Variants in ZNF462 observed in about 807,000 individuals in gnomAD.
ZNF462 encodes the protein zinc finger PBX1-interacting protein.
A neutral mutation model predicts 201.9 loss-of-function variants in ZNF462; 10 were observed. The observed-to-expected ratio is 0.05, with a 90% CI of 0.03 to 0.08. The LOEUF (loss-of-function observed/expected upper bound fraction) is 0.08, where lower values mean the gene tolerates loss of function less well. Ranked by LOEUF, ZNF462 falls within the 10% of genes least tolerant of loss-of-function variation. The pLI is 1.00. For synonymous variants in ZNF462, 1,227 were observed against 1,193.3 expected (o/e 1.03, Z -0.58); for missense variants, 2,523 against 3,168.3 (o/e 0.80, Z 4.89).
rs1828047889 is a variant in ZNF462 at position 106,880,582 on chromosome 9, G to A, written c.-31+17227G>A. Among the ~76,000 whole-genome samples, 1 of 152,188 alleles carries A rather than the reference G, an allele frequency of 6.6e-6. No individual in the cohort carries two copies. The highest frequency in any genetic ancestry group is 2.4e-5 in the African/African-American group (1 of 41,438). ...AGTAGCTCTAAATTTCAGTGATCCT[G>A]CCTTTCTGGTGTCAGTTTTGTGGAG... On this transcript the variant is annotated intron_variant, in intron 1 of 12. Transcript: ENST00000277225. The surrounding 1 kb of genome is among the most constrained non-coding windows in gnomAD (Gnocchi z 4.1).
At position 106,933,018 on chromosome 9, in the gene ZNF462, A is replaced by C. The variant is rs2131556408; in HGVS notation, c.6116+469A>C. Among the ~76,000 whole-genome samples, 1 of 152,354 alleles carries C rather than the reference A, an allele frequency of 6.6e-6. No homozygotes were observed. Among genetic ancestry groups the C allele is most frequent in the East Asian group, 1.9e-4 (1 of 5,188 alleles). Reference sequence around the variant, plus strand: ...AGGTAAAGAAGTTCATGGATGCCAAAGAGTTGCTTGACATACAGGGAGATT... The same window carrying C: ...AGGTAAAGAAGTTCATGGATGCCAACGAGTTGCTTGACATACAGGGAGATT... On this transcript the variant is annotated intron_variant, in intron 5 of 12. Transcript: ENST00000277225. This position sits in a 1 kb window ranked among gnomAD's most constrained non-coding sequence, Gnocchi z 4.3.
chr9:106,926,288 C>A lies in ZNF462; in HGVS notation c.2376C>A (p.Thr792=), dbSNP rs138885770. 4 of 1,614,020 alleles carry A rather than the reference C, an allele frequency of 2.5e-6. No homozygotes were observed. The highest frequency in any genetic ancestry group is 3.3e-5 in the Admixed American group (2 of 59,994). Residue 792 remains threonine, a synonymous_variant, in exon 3 of 13, where the codon ACC becomes ACA. Transcript: ENST00000277225. This position sits in a 1 kb window ranked among gnomAD's most constrained non-coding sequence, Gnocchi z 7.9. ...NATNGAEIEL[T]LSEDEEDYYG... ...CCAATGGGGCTGAGATTGAGCTCAC[C>A]CTTTCTGAAGATGAAGAGGATTATT...
chr9:106,919,446 G>A lies in ZNF462; in HGVS notation c.-30-3908G>A, dbSNP rs117717612. Among the ~76,000 whole-genome samples the A allele has an allele frequency of 0.021, 3,126 of 152,218 alleles. 37 individuals carry two copies. Among genetic ancestry groups the A allele is most frequent in the Non-Finnish European group, 0.032 (2,167 of 67,992 alleles). ...TGGGCAGGTGGTATAAATTAAAATT[G>A]GTGTTCTTAAGATTGAAAATGAGCA... On this transcript the variant is annotated intron_variant, in intron 1 of 12. Transcript: ENST00000277225. This position sits in a 1 kb window ranked among gnomAD's most constrained non-coding sequence, Gnocchi z 4.5.
At chr9:106,867,538 C>A (rs1371800856) in intron 1 of ZNF462, among the ~76,000 whole-genome samples, 1 of 151,298 alleles carries the variant, frequency 6.6e-6, no homozygotes. Flanking sequence ...ATTGTTTTTT[C>A]CCCCTTACTC....
In ZNF462 at chr9:106,950,466, A is replaced by G. The variant is rs545788949; in HGVS notation, c.6427+11359A>G. Among the ~76,000 whole-genome samples the G allele has an allele frequency of 3.9e-5, 6 of 152,290 alleles. No individual in the cohort carries two copies. The highest frequency in any genetic ancestry group is 1.4e-4 in the African/African-American group (6 of 41,562). On this transcript the variant is annotated intron_variant, in intron 7 of 12. Coordinates refer to ENST00000277225, the MANE Select transcript of ZNF462 (RefSeq NM_021224.6). This position sits in a 1 kb window ranked among gnomAD's most constrained non-coding sequence, Gnocchi z 4.1. ...GATTTTATTGTTACTCTGATTTTAT[A>G]GTATTTTAAAATTTTGCCCATGGGT...
intron 9 of ZNF462, chr9:106,975,284 G>A (rs1401104447): frequency 6.6e-6 from 1 of 151,838 alleles, no homozygotes; most frequent in African/African-American, 2.4e-5. Context: ...TCCAATATTT[G>A]TCACATATGC....
rs1829716526 is a variant in ZNF462 at position 107,008,483 on chromosome 9, G to A, written c.7190-1062G>A. On this transcript the variant is annotated intron_variant, in intron 11 of 12. Transcript: ENST00000277225. The surrounding 1 kb of genome is among the most constrained non-coding windows in gnomAD (Gnocchi z 4.8). ...GGCATCTTCCTGTAATGTCTTGTAT[G>A]TGTGGACCAGAGTGATCAGAGTGTA... is the stretch of plus-strand genomic sequence containing the variant. Among the ~76,000 whole-genome samples, 1 of 152,120 alleles carries A rather than the reference G, an allele frequency of 6.6e-6. No homozygotes were observed. Among genetic ancestry groups the A allele is most frequent in the Admixed American group, 6.5e-5 (1 of 15,276 alleles).
At chr9:106,864,125 T>G in intron 1 of ZNF462, among the ~76,000 whole-genome samples, 1 of 122,604 alleles carries the variant, frequency 8.2e-6, no homozygotes, top group Non-Finnish European at 1.6e-5. Context: ...TCCCCGAAGT[T>G]GGGATGCGGG....
chr9:106,925,860 T>C lies in ZNF462; in HGVS notation c.1948T>C (p.Ser650Pro). 6.2e-7 allele frequency: 1 copy of C among 1,614,178 alleles called. No homozygotes were observed. Among genetic ancestry groups the C allele is most frequent in the African/African-American group, 1.3e-5 (1 of 75,052 alleles). ...GGAAAATGAGACAGACAGCCACCCC[T>C]CTTCCAGCAACACTGTGAAGAAAAG... ...PLENETDSHP[S>P]SSNTVKKSQT... is the part of the protein sequence containing the mutation. Residue 650 changes from serine (S) to proline (P), a missense_variant, in exon 3 of 13, where the codon TCT (serine) becomes CCT (proline). By Grantham distance (74) the Ser-to-Pro change is moderately conservative (BLOSUM62 -1). Transcript: ENST00000277225. This position sits in a 1 kb window ranked among gnomAD's most constrained non-coding sequence, Gnocchi z 7.9.
intron 7 of ZNF462, among the ~76,000 whole-genome samples, chr9:106,965,788 A>G (rs1018190963): frequency 6.6e-6 from 1 of 152,106 alleles, no homozygotes; most frequent in African/African-American, 2.4e-5. Flanking sequence ...TTCCCATTGC[A>G]GAATTCTGTT....
chr9:106,994,607 T>C (rs1828552835), intron 10 of ZNF462, among the ~76,000 whole-genome samples: 1 of 152,166 alleles, frequency 6.6e-6, no homozygotes, highest in South Asian at 2.1e-4. Flanking sequence ...CTATGCCATT[T>C]CGTTTCTGCT....
intron 7 of ZNF462, among the ~76,000 whole-genome samples, chr9:106,951,149 T>A (rs2131774119): frequency 6.6e-6 from 1 of 152,334 alleles, no homozygotes; most frequent in Non-Finnish European, 1.5e-5. Flanking sequence ...TTGCTTTTTC[T>A]GTTTTAAAAT....
intron 10 of ZNF462, among the ~76,000 whole-genome samples, chr9:107,002,366 C>T (rs1197314675): frequency 1.3e-5 from 2 of 152,178 alleles, no homozygotes; most frequent in Non-Finnish European, 2.9e-5. Flanking sequence ...ACATAGAAGG[C>T]GTAGCCCATG....
chr9:106,919,811 G>A lies in ZNF462; in HGVS notation c.-30-3543G>A, dbSNP rs534360364. 1.3e-5 allele frequency among the ~76,000 whole-genome samples: 2 copies of A among 152,334 alleles called. No homozygotes were observed. The highest frequency in any genetic ancestry group is 1.3e-4 in the Admixed American group (2 of 15,302). On this transcript the variant is annotated intron_variant, in intron 1 of 12. Transcript: ENST00000277225. This position sits in a 1 kb window ranked among gnomAD's most constrained non-coding sequence, Gnocchi z 4.5. ...GGTGGTGTTTAAAGTCTAGGCATCT[G>A]AGGTCTATTTGACCTTGAAGGGCCT...
chr9:106,945,643 C>T lies in ZNF462; in HGVS notation c.6427+6536C>T, dbSNP rs376214009. Among the ~76,000 whole-genome samples, 7 of 152,284 alleles carry T rather than the reference C, an allele frequency of 4.6e-5. No individual in the cohort carries two copies. The East Asian group carries it at 7.7e-4, about 17-fold the overall frequency. ...TGACTATAATTTTTAATAGGTTCTG[C>T]TGGTCTCAAAATTATCTGACCAGAT... On this transcript the variant is annotated intron_variant, in intron 7 of 12. Transcript: ENST00000277225.
intron 10 of ZNF462, among the ~76,000 whole-genome samples, chr9:106,987,393 C>T (rs373520111): frequency 1.2e-4 from 18 of 152,014 alleles, no homozygotes; most frequent in East Asian, 1.2e-3. Flanking sequence ...ATTGTGGTTT[C>T]GATTTGCATT....
Position 106,926,078 on chromosome 9 carries a change from T to A in ZNF462, c.2166T>A (p.Asp722Glu), listed in dbSNP as rs1283790282. The A allele has an allele frequency of 6.2e-7, 1 of 1,614,000 alleles. No individual in the cohort carries two copies. The highest frequency in any genetic ancestry group is 8.5e-7 in the Non-Finnish European group (1 of 1,179,992). ...AAGATGCAGTGATCAATGTTGAGGA[T>A]GATGAAGAGGAAGAGGAAGACAACG... is the stretch of plus-strand genomic sequence containing the variant. ...QQEDAVINVE[D>E]DEEEEEDNEV... The change falls in exon 3 of 13, where the codon GAT becomes GAA. Residue 722 changes from aspartate to glutamate, a missense_variant. Coordinates refer to ENST00000277225, the MANE Select transcript of ZNF462 (RefSeq NM_021224.6). The surrounding 1 kb of genome is among the most constrained non-coding windows in gnomAD (Gnocchi z 7.9).
rs1324052613 is a variant in ZNF462 at position 106,962,790 on chromosome 9, A to C, written c.6428-9215A>C. Among the ~76,000 whole-genome samples, 1 of 152,022 alleles carries C rather than the reference A, an allele frequency of 6.6e-6. No individual in the cohort carries two copies. The highest frequency in any genetic ancestry group is 2.4e-5 in the African/African-American group (1 of 41,410). On this transcript the variant is annotated intron_variant, in intron 7 of 12. Transcript: ENST00000277225. This position sits in a 1 kb window ranked among gnomAD's most constrained non-coding sequence, Gnocchi z 4.6. ...GGCGTTTGTTTTTCCGTTTGCCTCC[A>C]TGACAACGGAGTCCAGAATTCCTAT...
chr9:106,990,713 CTCA>C (rs1446039479), intron 10 of ZNF462, among the ~76,000 whole-genome samples: 1 of 151,972 alleles, frequency 6.6e-6, no homozygotes, highest in African/African-American at 2.4e-5. Context: ...CCTAATGATT[CTCA>C]TGTTTGTCTC....
Sources: gnomAD v4.1 joint callset for allele counts (sites outside exome capture counted in the v4.1 genomes callset) on GRCh38, gnomAD v4.1.1 for gene constraint, Gnocchi (gnomAD v3.1) non-coding constraint, MANE v1.5 for transcripts, NCBI Gene and HGNC (gene_info 2026-07-23, HGNC 2026-07-21) for gene names.